TRIO: variants seen among roughly 807,000 people sequenced by gnomAD.
TRIO encodes the protein trio Rho guanine nucleotide exchange factor, also known as triple functional domain protein.
A neutral mutation model predicts 351.9 loss-of-function variants in TRIO; 58 were observed. The ratio of observed to expected loss-of-function variants is 0.16; its 90% CI spans 0.13 to 0.21. TRIO has a LOEUF of 0.21. TRIO is among the 10% of genes least tolerant of loss of function. The pLI, the probability that TRIO is intolerant of heterozygous loss-of-function variation, is 1.00. For synonymous variants in TRIO, 1,758 were observed against 1,595.7 expected, an observed-to-expected ratio of 1.10 and a Z score of -2.42; for missense variants, 3,201 against 4,027.8, an observed-to-expected ratio of 0.79 and a Z score of 5.56.
In TRIO at chr5:14,502,592, T is replaced by C; in HGVS notation, c.8346T>C (p.Asp2782=). The C allele has an allele frequency of 6.2e-7, 1 of 1,614,164 alleles. No homozygotes were observed. Among genetic ancestry groups the C allele is most frequent in the Non-Finnish European group, 8.5e-7 (1 of 1,180,036 alleles). The change falls in exon 54 of 57, where the codon GAT becomes GAC. Residue 2782 remains aspartate (D), a synonymous_variant. Coordinates refer to ENST00000344204, the MANE Select transcript of TRIO (RefSeq NM_007118.4). ...ASLRVLGPGM[D]GIMVTWKDNF... ...TTCTTCTTGCAGGTCCAGGGATGGATGGGATCATGGTGACCTGGAAAGACA... is the reference window on the plus strand; with the variant it reads ...TTCTTCTTGCAGGTCCAGGGATGGACGGGATCATGGTGACCTGGAAAGACA...
At chr5:14,354,344 GA>G (rs1743417491) in intron 11 of TRIO, among the ~76,000 whole-genome samples, 1 of 152,244 alleles carries the variant, frequency 6.6e-6, no homozygotes, top group African/African-American at 2.4e-5. Flanking sequence ...AGATTTAAAA[GA>G]AGAGATATTA....
chr5:14,146,935 T>G (rs536648321), intron 1 of TRIO, among the ~76,000 whole-genome samples: 25 of 152,354 alleles, frequency 1.6e-4, no homozygotes, highest in African/African-American at 5.5e-4. Context: ...CCTGTTCATT[T>G]TGATGATCAT....
chr5:14,328,215 TTAAAG>T (rs1395117346), intron 9 of TRIO, among the ~76,000 whole-genome samples: 13 of 152,098 alleles, frequency 8.5e-5, no homozygotes, highest in African/African-American at 2.4e-4. Flanking sequence ...AATACATGAG[TTAAAG>T]TAATGTGCAC....
At chr5:14,434,926 A>C (rs2152400119) in intron 34 of TRIO, among the ~76,000 whole-genome samples, 1 of 152,336 alleles carries the variant, frequency 6.6e-6, no homozygotes, top group Non-Finnish European at 1.5e-5. Context: ...GAGTTTATCT[A>C]ATAGTAAATA....
intron 29 of TRIO, 179 bp downstream of exon 29, chr5:14,397,333 T>G: frequency 1.8e-6 from 1 of 564,514 alleles, no homozygotes; most frequent in East Asian, 3.0e-5. Context: ...GTTTCTATAC[T>G]CATTGAAAGC....
At chr5:14,355,425 G>T (rs530882359) in intron 11 of TRIO, among the ~76,000 whole-genome samples, 1 of 152,194 alleles carries the variant, frequency 6.6e-6, no homozygotes, top group African/African-American at 2.4e-5. Context: ...TCTTTCATCT[G>T]CTCCTCGTAG....
At chr5:14,231,823 A>G (rs1222861912) in intron 1 of TRIO, among the ~76,000 whole-genome samples, 1 of 150,054 alleles carries the variant, frequency 6.7e-6, no homozygotes, top group African/African-American at 2.5e-5. Flanking sequence ...AGAGTCTTAC[A>G]TAGGCATAAG....
intron 34 of TRIO, among the ~76,000 whole-genome samples, chr5:14,422,051 C>T (rs761627139): frequency 3.9e-5 from 6 of 152,218 alleles, no homozygotes; most frequent in Non-Finnish European, 7.3e-5. Context: ...ATCCACATGC[C>T]TCTGCCCGTC....
Position 14,461,028 on chromosome 5 carries a change from C to T in TRIO, c.5213C>T (p.Ser1738Phe). The change falls in exon 35 of 57, where the codon TCC becomes TTC. Residue 1738 changes from serine to phenylalanine, a missense_variant. Ser to Phe is a radical substitution (Grantham distance 155, BLOSUM62 -2). This residue lies in a region of TRIO where 193 missense variants were observed against 218.8 expected (regional missense o/e 0.88). Transcript: ENST00000344204. ...EGIFNHKDSL[S>F]VSSNDASPPA... ...TCTTTCTCCCTGGCAGACTCGCTCTCCGTCTCCAGCAATGACGCCAGTCCA... is the reference window on the plus strand; with the variant it reads ...TCTTTCTCCCTGGCAGACTCGCTCTTCGTCTCCAGCAATGACGCCAGTCCA... The T allele has an allele frequency of 2.5e-6, 4 of 1,570,966 alleles. No homozygotes were observed. Among genetic ancestry groups the T allele is most frequent in the Middle Eastern group, 3.3e-4 (2 of 5,982 alleles).
intron 41 of TRIO, among the ~76,000 whole-genome samples, chr5:14,478,214 T>C: frequency 6.6e-6 from 1 of 152,218 alleles, no homozygotes; most frequent in East Asian, 1.9e-4. Context: ...GTTAAAAACG[T>C]GTATACTCCC....
rs567982257 is a variant in TRIO at position 14,359,286 on chromosome 5, G to A, written c.2217-71G>A. On this transcript the variant is annotated intron_variant, in intron 12 of 56. Transcript: ENST00000344204. ...CAGCTTTCTTCCCCTGAAGATTTGC[G>A]TGGCCGGATCTGGTATCTAACAATG... 1.5e-4 allele frequency: 233 copies of A among 1,541,688 alleles called. 3 individuals carry two copies. The South Asian group carries it at 2.6e-3, about 17-fold the overall frequency.
At chr5:14,169,344 T>C (rs1229517300) in intron 1 of TRIO, among the ~76,000 whole-genome samples, 1 of 151,982 alleles carries the variant, frequency 6.6e-6, no homozygotes, top group African/African-American at 2.4e-5. Context: ...TTTGCTTTTG[T>C]AGGACTATGT....
intron 5 of TRIO, among the ~76,000 whole-genome samples, chr5:14,292,489 CT>C (rs1259887111): frequency 1.9e-4 from 29 of 152,192 alleles, no homozygotes; most frequent in Non-Finnish European, 2.9e-5. Context: ...TTTTTCCCAC[CT>C]TTTTTATAGT....
At chr5:14,308,442 A>G (rs1440692679) in intron 8 of TRIO, among the ~76,000 whole-genome samples, 2 of 141,684 alleles carry the variant, frequency 1.4e-5, no homozygotes, top group Admixed American at 1.4e-4. Context: ...CCATCCCTCT[A>G]TTTATCCAAT....
chr5:14,421,695 A>G (rs1159909198), intron 34 of TRIO, among the ~76,000 whole-genome samples: 1 of 152,018 alleles, frequency 6.6e-6, no homozygotes, highest in Non-Finnish European at 1.5e-5. Flanking sequence ...TAACATGGAA[A>G]CGGAGGGCGT....
intron 16 of TRIO, 142 bp downstream of exon 16, chr5:14,367,121 C>A (rs1744669239): frequency 1.7e-6 from 2 of 1,166,948 alleles, no homozygotes; most frequent in South Asian, 1.6e-5. Context: ...ATTGGCAACG[C>A]TTCTAAGTCT....
chr5:14,507,809 G>A (rs774604522), intron 56 of TRIO, 71 bp from the exon 57 acceptor site: 7 of 1,540,562 alleles, frequency 4.5e-6, no homozygotes, highest in Non-Finnish European at 5.3e-6. Flanking sequence ...TCACCATAGA[G>A]TCCCGCCCAT....
chr5:14,144,000 G>C (rs1787334437), intron 1 of TRIO, 118 bp downstream of exon 1: 1 of 756,316 alleles, frequency 1.3e-6, no homozygotes, highest in South Asian at 6.0e-5. Flanking sequence ...CGTCCGTCGG[G>C]GCCCGCAGGC....
chr5:14,272,899 A>C (rs890199923), intron 2 of TRIO, among the ~76,000 whole-genome samples: 3 of 152,192 alleles, frequency 2.0e-5, no homozygotes, highest in Non-Finnish European at 4.4e-5. Flanking sequence ...AGAATGAGTA[A>C]ACTTTACAAA....
Sources: allele counts gnomAD v4.1 joint callset (sites outside exome capture counted in the v4.1 genomes callset), GRCh38; gene constraint gnomAD v4.1.1; regional missense constraint gnomAD v4.1.1; transcripts MANE v1.5; gene names NCBI Gene and HGNC (gene_info 2026-07-23, HGNC 2026-07-21).